Variants in CPB2 observed in about 807,000 individuals in gnomAD.
CPB2 encodes the protein carboxypeptidase B2.
In CPB2, 54 loss-of-function variants were observed where a neutral mutation model predicts 57.0. The observed-to-expected ratio is 0.95, with a 90% CI of 0.76 to 1.19. CPB2 has a LOEUF of 1.19. Among genes scored for constraint, CPB2 ranks in the 50% most tolerant of loss-of-function variants. The pLI, the probability that CPB2 is intolerant of heterozygous loss-of-function variation, is 0.00. For missense variants in CPB2, 426 were observed against 512.0 expected (o/e 0.83, Z 1.62); for synonymous variants, 189 against 178.1 (o/e 1.06, Z -0.49).
chr13:46,088,306 A>G (rs773948353), intron 1 of CPB2, among the ~76,000 whole-genome samples: 5 of 152,182 alleles, frequency 3.3e-5, no homozygotes, highest in Non-Finnish European at 5.9e-5. Context: ...ACTTTTGCTC[A>G]TTCCCTTGTT....
intron 5 of CPB2, among the ~76,000 whole-genome samples, chr13:46,076,260 A>C (rs144768482): frequency 0.01 from 1,581 of 152,274 alleles, 26 homozygotes; most frequent in African/African-American, 0.036. Context: ...AGCCTCCACC[A>C]AAAAACTGTG....
intron 9 of CPB2, among the ~76,000 whole-genome samples, chr13:46,056,862 G>A (rs912129433): frequency 3.9e-5 from 6 of 152,182 alleles, no homozygotes; most frequent in Admixed American, 3.3e-4. Context: ...CTCAAGGACA[G>A]TAACTACTTT....
intron 2 of CPB2, among the ~76,000 whole-genome samples, chr13:46,086,589 C>T (rs769664969): frequency 1.4e-4 from 21 of 152,178 alleles, no homozygotes; most frequent in Non-Finnish European, 4.4e-5. Flanking sequence ...TCATGGGTGG[C>T]CATAGGCGGG....
intron 1 of CPB2, chr13:46,098,903 T>G (rs1052980982): frequency 6.6e-6 from 1 of 152,228 alleles, no homozygotes; most frequent in African/African-American, 2.4e-5. Flanking sequence ...CCATGCAATC[T>G]TCATCTCAGG....
intron 4 of CPB2, among the ~76,000 whole-genome samples, chr13:46,080,243 GAT>G (rs978820335): frequency 1.3e-5 from 2 of 152,164 alleles, no homozygotes; most frequent in African/African-American, 4.8e-5. Flanking sequence ...GATCATTTAA[GAT>G]CTCCTGGTGT....
rs142673071 is a variant in CPB2, at chr13:46,103,942, A to G, written c.74+994T>C. ...TAAATAACAAAAATAATATCATTTT[A>G]TGATAGAATTTGTTGCTCGACATTC... is the stretch of plus-strand genomic sequence containing the variant. On this transcript the variant is annotated intron_variant, in intron 1 of 10. Coordinates refer to ENST00000181383, the MANE Select transcript of CPB2 (RefSeq NM_001872.5). Among the ~76,000 whole-genome samples the G allele has an allele frequency of 5.3e-4, 80 of 152,364 alleles. 1 individual carries two copies. Among genetic ancestry groups the G allele is most frequent in the African/African-American group, 1.9e-3 (79 of 41,592 alleles).
chr13:46,057,875 C>G (rs996322388), intron 9 of CPB2, among the ~76,000 whole-genome samples: 1 of 152,148 alleles, frequency 6.6e-6, no homozygotes, highest in African/African-American at 2.4e-5. Context: ...TTGCTTATAC[C>G]GCTTCACATG....
chr13:46,054,896 G>A lies in CPB2; in HGVS notation c.1087+866C>T, dbSNP rs569040851. Among the ~76,000 whole-genome samples, 7 of 145,500 alleles carry A rather than the reference G, an allele frequency of 4.8e-5. 1 individual carries two copies. In the South Asian group the frequency reaches 6.6e-4, roughly 14 times the overall value. ...CAACCAAGTAGCTGGCATTACAGGCGCCTGCCACCATGCCCAGCTAATTTT... is the reference window on the plus strand; with the variant it reads ...CAACCAAGTAGCTGGCATTACAGGCACCTGCCACCATGCCCAGCTAATTTT... On this transcript the variant is annotated intron_variant, in intron 10 of 10. Transcript: ENST00000181383.
At chr13:46,102,334 C>T (rs1407606360) in intron 1 of CPB2, among the ~76,000 whole-genome samples, 1 of 151,974 alleles carries the variant, frequency 6.6e-6, no homozygotes, top group African/African-American at 2.4e-5. Flanking sequence ...TTTATTTTTA[C>T]CCTTTATAGT....
At chr13:46,057,672 CAG>C (rs1457742383) in intron 9 of CPB2, among the ~76,000 whole-genome samples, 3 of 152,176 alleles carry the variant, frequency 2.0e-5, no homozygotes, top group Admixed American at 6.5e-5. Flanking sequence ...TTCCAAAAAA[CAG>C]ACTCTCTCCT....
Position 46,089,565 on chromosome 13 carries a change from G to A in CPB2, c.75-1745C>T, listed in dbSNP as rs17844184. Among the ~76,000 whole-genome samples the A allele has an allele frequency of 1.8e-3, 281 of 152,250 alleles. 2 individuals are homozygous for A. Among genetic ancestry groups the A allele is most frequent in the African/African-American group, 6.1e-3 (254 of 41,540 alleles). ...TGACCTTCATCAATTAGTATTATGA[G>A]TGAGAAATTGCTCTGATCTGAATGT... On this transcript the variant is annotated intron_variant, in intron 1 of 10. Transcript: ENST00000181383.
At chr13:46,082,662 T>C (rs2139393504) in intron 3 of CPB2, 113 bp from the exon 4 acceptor site, 1 of 595,482 alleles carries the variant, frequency 1.7e-6, no homozygotes, top group Middle Eastern at 4.2e-4. Flanking sequence ...CTAAGAAACT[T>C]CATAAGCATT....
At chr13:46,101,036 G>A (rs1188713454) in intron 1 of CPB2, 1 of 152,118 alleles carries the variant, frequency 6.6e-6, no homozygotes, top group Non-Finnish European at 1.5e-5. Context: ...AGGATGCCTC[G>A]TAACTTGAGT....
intron 5 of CPB2, among the ~76,000 whole-genome samples, chr13:46,074,416 G>A (rs2044990464): frequency 7.3e-6 from 1 of 136,782 alleles, no homozygotes; most frequent in Non-Finnish European, 1.6e-5. Flanking sequence ...AGATTTTCCT[G>A]AGTGCATATT....
intron 7 of CPB2, 136 bp from the exon 8 acceptor site, chr13:46,064,877 T>C: frequency 3.0e-6 from 2 of 668,126 alleles, no homozygotes; most frequent in Non-Finnish European, 5.4e-6. Flanking sequence ...CTTCATCACA[T>C]CACTGTTGTT....
chr13:46,090,141 C>A (rs2045269865), intron 1 of CPB2, among the ~76,000 whole-genome samples: 2 of 151,798 alleles, frequency 1.3e-5, no homozygotes, highest in African/African-American at 4.8e-5. Context: ...CTTGCTTCCC[C>A]TCTGCCCTGC....
chr13:46,080,662 C>T (rs1445293725), intron 4 of CPB2, among the ~76,000 whole-genome samples: 1 of 152,044 alleles, frequency 6.6e-6, no homozygotes, highest in African/African-American at 2.4e-5. Context: ...ACCAGGGATG[C>T]ATGTGCACAA....
chr13:46,081,523 C>A (rs1162668783), intron 4 of CPB2, among the ~76,000 whole-genome samples: 2 of 152,098 alleles, frequency 1.3e-5, no homozygotes, highest in African/African-American at 2.4e-5. Context: ...ATCAACCAGG[C>A]ACACATTCTA....
intron 6 of CPB2, among the ~76,000 whole-genome samples, chr13:46,069,397 G>A (rs2044904359): frequency 6.6e-6 from 1 of 152,170 alleles, no homozygotes; most frequent in African/African-American, 2.4e-5. Context: ...GGTTTTTGGT[G>A]TATTCATAGA....
Sources: allele counts gnomAD v4.1 joint callset (sites outside exome capture counted in the v4.1 genomes callset), GRCh38; gene constraint gnomAD v4.1.1; transcripts MANE v1.5; gene names NCBI Gene and HGNC (gene_info 2026-07-23, HGNC 2026-07-21).